Variants in CNTN5 observed in about 807,000 individuals in gnomAD.
The protein encoded by CNTN5 is contactin 5, also known as contactin-5.
Under a neutral mutation model 129.1 loss-of-function variants are expected in CNTN5, and 77 were observed. That is an observed-to-expected ratio of 0.60 (90% CI 0.50 to 0.72). The LOEUF is 0.72. Among genes scored for constraint, CNTN5 ranks in the 30% least tolerant of loss-of-function variants. The probability of loss-of-function intolerance (pLI) is 0.00; values close to 1 mark genes in which losing one functional copy is unlikely to be tolerated. For missense variants in CNTN5, 1,478 were observed against 1,328.8 expected, an observed-to-expected ratio of 1.11 and a Z score of -1.75; for synonymous variants, 509 against 465.6, an observed-to-expected ratio of 1.09 and a Z score of -1.20.
At chr11:100,009,880 C>T (rs935070713) in intron 9 of CNTN5, among the ~76,000 whole-genome samples, 4 of 152,160 alleles carry the variant, frequency 2.6e-5, no homozygotes, top group African/African-American at 9.7e-5. Context: ...ATCAGGCAGA[C>T]TTAATTAACT....
At chr11:100,210,344 T>A in intron 15 of CNTN5, among the ~76,000 whole-genome samples, 1 of 110,664 alleles carries the variant, frequency 9.0e-6, no homozygotes, top group East Asian at 3.7e-4. Flanking sequence ...GGCGAGACTA[T>A]CTCAAAAAAA....
chr11:100,262,903 C>T (rs921523023), intron 17 of CNTN5, among the ~76,000 whole-genome samples: 13 of 150,612 alleles, frequency 8.6e-5, no homozygotes, highest in Non-Finnish European at 1.2e-4. Flanking sequence ...CAAACCTGCA[C>T]GTTCTACACA....
intron 3 of CNTN5, among the ~76,000 whole-genome samples, chr11:99,730,639 G>A (rs1414765225): frequency 6.6e-6 from 1 of 152,012 alleles, no homozygotes; most frequent in Non-Finnish European, 1.5e-5. Flanking sequence ...ATTATAATCT[G>A]TTCTTCAATA....
intron 1 of CNTN5, among the ~76,000 whole-genome samples, chr11:99,131,337 A>G (rs764586435): frequency 1.8e-4 from 28 of 151,710 alleles, no homozygotes; most frequent in Non-Finnish European, 3.7e-4. Flanking sequence ...TAATATCACA[A>G]CTAAAATAAC....
At chr11:99,740,593 C>G (rs1447840805) in intron 3 of CNTN5, among the ~76,000 whole-genome samples, 4 of 152,120 alleles carry the variant, frequency 2.6e-5, no homozygotes, top group African/African-American at 9.7e-5. Context: ...TTCCTTTCCT[C>G]TTGATGTTTG....
At chr11:99,477,572 A>C (rs1356370309) in intron 2 of CNTN5, among the ~76,000 whole-genome samples, 1 of 151,950 alleles carries the variant, frequency 6.6e-6, no homozygotes, top group African/African-American at 2.4e-5. Context: ...ACATACATAT[A>C]AAGGGAAAGA....
At chr11:99,812,200 G>A (rs1251790162) in intron 3 of CNTN5, among the ~76,000 whole-genome samples, 2 of 152,090 alleles carry the variant, frequency 1.3e-5, no homozygotes, top group South Asian at 2.1e-4. Flanking sequence ...GTTTTCTGTA[G>A]ATATATAGAG....
chr11:99,130,701 A>ATAAC (rs144211313), intron 1 of CNTN5, among the ~76,000 whole-genome samples: 3 of 151,608 alleles, frequency 2.0e-5, no homozygotes, highest in Non-Finnish European at 4.4e-5. Flanking sequence ...AATTGATCAC[A>ATAAC]TAATTGGAAG....
intron 3 of CNTN5, among the ~76,000 whole-genome samples, chr11:99,634,231 G>T (rs1951467169): frequency 6.6e-6 from 1 of 152,174 alleles, no homozygotes; most frequent in Non-Finnish European, 1.5e-5. Flanking sequence ...GGTATTTAAA[G>T]ATAAATGTGT....
At chr11:99,099,432 G>A (rs2135344414) in intron 1 of CNTN5, among the ~76,000 whole-genome samples, 1 of 152,112 alleles carries the variant, frequency 6.6e-6, no homozygotes, top group African/African-American at 2.4e-5. Flanking sequence ...TAATATTGGA[G>A]AACTTACCGT....
chr11:99,480,389 T>A (rs11220123), intron 2 of CNTN5, among the ~76,000 whole-genome samples: 1 of 152,132 alleles, frequency 6.6e-6, no homozygotes, highest in East Asian at 1.9e-4. Context: ...ATGGCATCTT[T>A]GGCAGGATAT....
intron 8 of CNTN5, 114 bp downstream of exon 8, chr11:99,957,123 T>A: frequency 2.2e-6 from 2 of 920,038 alleles, no homozygotes; most frequent in Non-Finnish European, 3.2e-6. Context: ...TAAAAAGGCA[T>A]TTGCCATATT....
chr11:99,944,633 A>G (rs1384826072), intron 7 of CNTN5, among the ~76,000 whole-genome samples: 1 of 151,982 alleles, frequency 6.6e-6, no homozygotes, highest in Admixed American at 6.6e-5. Context: ...CAGCCCAAAA[A>G]CTCCTTAAGC....
At chr11:99,954,830 T>G (rs892731577) in intron 7 of CNTN5, among the ~76,000 whole-genome samples, 1 of 152,162 alleles carries the variant, frequency 6.6e-6, no homozygotes, top group Non-Finnish European at 1.5e-5. Context: ...CTTCTTGGAA[T>G]TATGAAATGC....
chr11:100,154,999 G>C (rs779461725), intron 13 of CNTN5, among the ~76,000 whole-genome samples: 1 of 151,796 alleles, frequency 6.6e-6, no homozygotes, highest in Non-Finnish European at 1.5e-5. Context: ...TAGTTTCTTT[G>C]GCTGTGCAGA....
At chr11:99,530,476 A>G (rs1413836817) in intron 2 of CNTN5, among the ~76,000 whole-genome samples, 1 of 152,182 alleles carries the variant, frequency 6.6e-6, no homozygotes, top group Non-Finnish European at 1.5e-5. Context: ...TAGGCAATGT[A>G]CAAGAAAAGA....
chr11:100,249,687 T>C (rs979369976), intron 16 of CNTN5, among the ~76,000 whole-genome samples: 1 of 152,190 alleles, frequency 6.6e-6, no homozygotes, highest in African/African-American at 2.4e-5. Flanking sequence ...TCTTCAATGA[T>C]GCCTTATGTA....
chr11:99,838,725 T>C (rs2135660800), intron 4 of CNTN5, among the ~76,000 whole-genome samples: 1 of 152,324 alleles, frequency 6.6e-6, no homozygotes, highest in South Asian at 2.1e-4. Flanking sequence ...GCCAGGTATT[T>C]CAGTTCCTTA....
intron 13 of CNTN5, among the ~76,000 whole-genome samples, chr11:100,125,864 T>C (rs546176175): frequency 1.3e-4 from 20 of 152,208 alleles, no homozygotes; most frequent in African/African-American, 4.1e-4. Flanking sequence ...GGTTTAATTA[T>C]TGTTTTTTTA....
Sources: gnomAD v4.1 joint callset for allele counts (sites outside exome capture counted in the v4.1 genomes callset) on GRCh38, gnomAD v4.1.1 for gene constraint, MANE v1.5 for transcripts, NCBI Gene and HGNC (gene_info 2026-07-23, HGNC 2026-07-21) for gene names.